NPDC1: variants seen among roughly 807,000 people sequenced by gnomAD.
NPDC1 encodes the protein neural proliferation, differentiation and control 1, also known as neural proliferation differentiation and control protein 1.
In NPDC1, 18 loss-of-function variants were observed where a neutral mutation model predicts 32.5. The ratio of observed to expected loss-of-function variants is 0.55; its 90% CI spans 0.38 to 0.82. The LOEUF is 0.82. NPDC1 is among the 40% of genes least tolerant of loss of function. NPDC1 has a pLI of 0.00. For synonymous variants in NPDC1, 210 were observed against 184.7 expected (o/e 1.14, Z -1.11); for missense variants, 468 against 406.6 (o/e 1.15, Z -1.30).
At chr9:137,045,847 C>T in intron 1 of NPDC1, 31 bp downstream of exon 1, 1 of 1,001,172 alleles carries the variant, frequency 1.0e-6, no homozygotes, top group African/African-American at 1.7e-5. Context: ...CCCGGGGCGC[C>T]CCGCGGCCTG....
At chr9:137,044,982 C>T (rs1014729894) in intron 1 of NPDC1, among the ~76,000 whole-genome samples, 4 of 152,264 alleles carry the variant, frequency 2.6e-5, no homozygotes, top group Non-Finnish European at 5.9e-5. Flanking sequence ...CACTTAACTT[C>T]TCCATGCCTC....
intron 1 of NPDC1, among the ~76,000 whole-genome samples, chr9:137,045,546 T>G (rs931105572): frequency 2.0e-5 from 3 of 151,802 alleles, no homozygotes; most frequent in Non-Finnish European, 2.9e-5. Flanking sequence ...ACAGGCAGAC[T>G]CCCGGCGGGC....
Position 137,040,614 on chromosome 9 carries a change from C to T in NPDC1, c.624-16G>A. 6.4e-7 allele frequency: 1 copy of T among 1,565,202 alleles called. No individual in the cohort carries two copies. The highest frequency in any genetic ancestry group is 8.6e-7 in the Non-Finnish European group (1 of 1,160,206). On this transcript the variant is annotated splice_polypyrimidine_tract_variant and intron_variant, in intron 5 of 8. Transcript: ENST00000371601. ...ACGCTGCAGCCTGTGGGGAGTGGGG[C>T]CTGAGACCTCTGAGCGTGTGGCACC...
At chr9:137,042,559 CTTTTTTTTTTT>C (rs59591013) in intron 2 of NPDC1, among the ~76,000 whole-genome samples, 1 of 65,706 alleles carries the variant, frequency 1.5e-5, no homozygotes, top group Admixed American at 1.7e-4. Context: ...TCCCGGCCTT[CTTTTTTTTTTT>C]TTTTTTTTTT....
intron 1 of NPDC1, 105 bp from the exon 2 acceptor site, chr9:137,043,178 G>T: frequency 7.6e-7 from 1 of 1,311,716 alleles, no homozygotes; most frequent in Non-Finnish European, 1.1e-6. Flanking sequence ...CCCCCGAGCT[G>T]GCCGGGCCTG....
In NPDC1 at chr9:137,039,789, G is replaced by A. The variant is rs748039403; in HGVS notation, c.961C>T (p.Pro321Ser). 2.6e-6 allele frequency: 2 copies of A among 775,120 alleles called. No homozygotes were observed. Among genetic ancestry groups the A allele is most frequent in the East Asian group, 2.4e-5 (1 of 41,152 alleles). The allele number at this position is 775,120 out of a possible 1,614,324, so 48.0% of individuals were successfully genotyped here. Reference sequence around the variant, plus strand: ...CCTCCAGGTCATGGCAGTGCAGGCGGTGAGCTGGGGGCCGGCAGGGGCGCG... The same window carrying A: ...CCTCCAGGTCATGGCAGTGCAGGCGATGAGCTGGGGGCCGGCAGGGGCGCG... ...LSAPLPAPSS[P>S]PALP Residue 321 changes from proline (P) to serine (S), a missense_variant, in exon 9 of 9, where the codon CCG becomes TCG. By Grantham distance (74) the Pro-to-Ser change is moderately conservative. Transcript: ENST00000371601.
At chr9:137,044,713 C>A in intron 1 of NPDC1, among the ~76,000 whole-genome samples, 1 of 152,236 alleles carries the variant, frequency 6.6e-6, no homozygotes, top group East Asian at 1.9e-4. Flanking sequence ...AGACACGAAG[C>A]TGCAGAGGCC....
chr9:137,040,043 C>T lies in NPDC1; in HGVS notation c.813G>A (p.Leu271=), dbSNP rs763668881. Residue 271 remains leucine, a synonymous_variant, in exon 8 of 9, where the codon CTG becomes CTA. Coordinates refer to ENST00000371601, the MANE Select transcript of NPDC1 (RefSeq NM_015392.4). ...LERHKEPPKE[L]DTASSDEENE... ...TCTCCTCATCCGAGGAGGCCGTGTC[C>T]AGCTCCTTGGGTGGCTCTTTATGCC... 6.4e-6 allele frequency: 5 copies of T among 778,738 alleles called. No homozygotes were observed. The South Asian group carries it at 6.7e-5, about 10-fold the overall frequency. The allele number at this position is 778,738 out of a possible 1,614,324, so 48.2% of individuals were successfully genotyped here.
intron 2 of NPDC1, among the ~76,000 whole-genome samples, chr9:137,042,195 C>G (rs1207456465): frequency 1.3e-5 from 2 of 151,932 alleles, no homozygotes; most frequent in East Asian, 1.9e-4. Flanking sequence ...CCCAACACCC[C>G]ACAAGGTCCA....
In NPDC1 at chr9:137,042,105, G is replaced by A. The variant is rs573610912; in HGVS notation, c.259+822C>T. Among the ~76,000 whole-genome samples, 4 of 152,346 alleles carry A rather than the reference G, an allele frequency of 2.6e-5. No individual in the cohort carries two copies. In the South Asian group the frequency reaches 8.3e-4, roughly 32 times the overall value. On this transcript the variant is annotated intron_variant, in intron 2 of 8. Transcript: ENST00000371601. ...GCCCTTCTCCTGGGAGGGCCTGACT[G>A]CCCCAGGCCTGGGCCCACCTCCATT... is the stretch of plus-strand genomic sequence containing the variant.
At position 137,046,158 on chromosome 9, in the gene NPDC1, T is replaced by C; in HGVS notation, c.-169A>G. 9.1e-7 allele frequency: 1 copy of C among 1,098,698 alleles called. No homozygotes were observed. Among genetic ancestry groups the C allele is most frequent in the Non-Finnish European group, 1.1e-6 (1 of 902,432 alleles). 68.1% of individuals were successfully genotyped at this position (1,098,698 alleles called of 1,614,324 possible). On this transcript the variant is annotated 5_prime_UTR_variant, in exon 1 of 9. Transcript: ENST00000371601. ...AGAGGAAAGGCACGGGCGGCGGCGC[T>C]GACGCTGCAGCAAGGATCCGGGATG... is the stretch of plus-strand genomic sequence containing the variant.
chr9:137,040,633 T>A (rs765495618), intron 5 of NPDC1, 35 bp from the exon 6 acceptor site: 1 of 1,562,546 alleles, frequency 6.4e-7, no homozygotes, highest in East Asian at 2.3e-5. Flanking sequence ...TCTGAGCGTG[T>A]GGCACCCTCC....
At chr9:137,041,423 C>T (rs913460037) in intron 2 of NPDC1, among the ~76,000 whole-genome samples, 2 of 152,154 alleles carry the variant, frequency 1.3e-5, no homozygotes, top group Non-Finnish European at 2.9e-5. Flanking sequence ...GTCCAAAGAC[C>T]GGGCACGGGG....
At chr9:137,041,511 C>T (rs1443577145) in intron 2 of NPDC1, among the ~76,000 whole-genome samples, 1 of 152,202 alleles carries the variant, frequency 6.6e-6, no homozygotes, top group Non-Finnish European at 1.5e-5. Context: ...TTCCCCACCT[C>T]CAAGCACCTT....
At position 137,040,802 on chromosome 9, in the gene NPDC1, A is replaced by G. The variant is rs748016071; in HGVS notation, c.556+12T>C. The stretch of plus-strand genomic sequence containing the variant: ...GCCCTGCTGCCCCTGCCCACCCCCG[A>G]CCAAGACCTACCAAGGGCGAGGCCG... On this transcript the variant is annotated intron_variant, in intron 4 of 8. Coordinates refer to ENST00000371601, the MANE Select transcript of NPDC1 (RefSeq NM_015392.4). 3.1e-6 allele frequency: 5 copies of G among 1,588,880 alleles called. No homozygotes were observed. In the Admixed American group the frequency reaches 8.7e-5, roughly 28 times the overall value.
At chr9:137,043,522 C>A (rs1564247614) in intron 1 of NPDC1, 4 of 607,588 alleles carry the variant, frequency 6.6e-6, no homozygotes, top group South Asian at 2.0e-5. Flanking sequence ...GCGACCTCTC[C>A]TTCCCGTGCG....
chr9:137,039,962 G>C lies in NPDC1; in HGVS notation c.885+9C>G, dbSNP rs35547344. The stretch of plus-strand genomic sequence containing the variant: ...TGGTTCGCCCCTCCCTGCACCCTGA[G>C]GCACTCACCGGGGCCAGGCCCGGGC... On this transcript the variant is annotated intron_variant, in intron 8 of 8. Coordinates refer to ENST00000371601, the MANE Select transcript of NPDC1 (RefSeq NM_015392.4). 1,552 of 779,044 alleles carry C rather than the reference G, an allele frequency of 2.0e-3. 4 individuals carry two copies. Among genetic ancestry groups the C allele is most frequent in the Non-Finnish European group, 2.5e-3 (1,062 of 417,990 alleles). 48.3% of individuals were successfully genotyped at this position (779,044 alleles called of 1,614,324 possible).
At chr9:137,042,291 C>T (rs992597392) in intron 2 of NPDC1, among the ~76,000 whole-genome samples, 63 of 151,986 alleles carry the variant, frequency 4.1e-4, no homozygotes, top group Non-Finnish European at 5.7e-4. Flanking sequence ...TCTCGCTCTG[C>T]CGCCCAGGCT....
chr9:137,043,125 C>G (rs1356027865), intron 1 of NPDC1, 52 bp from the exon 2 acceptor site: 2 of 1,593,422 alleles, frequency 1.3e-6, no homozygotes, highest in South Asian at 2.2e-5. Flanking sequence ...AGGGCTCGGC[C>G]CCTGCACACG....
Sources: gnomAD v4.1 joint callset for allele counts (sites outside exome capture counted in the v4.1 genomes callset) on GRCh38, gnomAD v4.1.1 for gene constraint, MANE v1.5 for transcripts, NCBI Gene and HGNC (gene_info 2026-07-23, HGNC 2026-07-21) for gene names.